LRRC49: variants seen among roughly 807,000 people sequenced by gnomAD.
The protein encoded by LRRC49 is leucine-rich repeat-containing protein 49.
A neutral mutation model predicts 83.3 loss-of-function variants in LRRC49; 50 were observed. The observed-to-expected ratio is 0.60, with a 90% CI of 0.48 to 0.76. LRRC49 has a LOEUF of 0.76. Among genes scored for constraint, LRRC49 ranks in the 30% least tolerant of loss-of-function variants. LRRC49 has a pLI of 0.00. For missense variants in LRRC49, 704 were observed against 809.1 expected (o/e 0.87, Z 1.58); for synonymous variants, 286 against 283.3 (o/e 1.01, Z -0.10).
At chr15:70,867,271 T>C (rs916456713) in intron 1 of LRRC49, among the ~76,000 whole-genome samples, 1 of 152,254 alleles carries the variant, frequency 6.6e-6, no homozygotes, top group East Asian at 1.9e-4. Context: ...AAAGAAAGAC[T>C]GAAAGACAAG....
chr15:70,898,400 G>A (rs552239772), intron 3 of LRRC49: 2 of 701,740 alleles, frequency 2.9e-6, no homozygotes, highest in East Asian at 2.7e-5. Flanking sequence ...GTAAAATGAG[G>A]TCCATCACCC....
intron 1 of LRRC49, among the ~76,000 whole-genome samples, chr15:70,870,953 T>TGG (rs879548345): frequency 6.7e-6 from 1 of 150,330 alleles, no homozygotes; most frequent in Non-Finnish European, 1.5e-5. Flanking sequence ...TAGTTTTTTT[T>TGG]TTTTTTTTTT....
chr15:70,961,016 T>C (rs886574359), intron 8 of LRRC49, among the ~76,000 whole-genome samples: 3 of 152,040 alleles, frequency 2.0e-5, no homozygotes, highest in African/African-American at 7.2e-5. Context: ...GAGATAAATA[T>C]TTGCAAAATA....
chr15:70,966,265 A>G (rs2036790010), intron 9 of LRRC49, among the ~76,000 whole-genome samples: 1 of 152,112 alleles, frequency 6.6e-6, no homozygotes, highest in African/African-American at 2.4e-5. Context: ...AACTGCGTGC[A>G]GAGGATGCTG....
intron 1 of LRRC49, among the ~76,000 whole-genome samples, chr15:70,865,463 C>T (rs578089231): frequency 6.6e-6 from 1 of 152,256 alleles, no homozygotes; most frequent in Non-Finnish European, 1.5e-5. Context: ...ATATTCATTT[C>T]CCCAAAATGT....
upstream of LRRC49, chr15:70,892,295 G>A (rs1223629991): frequency 9.0e-6 from 14 of 1,551,974 alleles, no homozygotes; most frequent in Non-Finnish European, 1.1e-5. Flanking sequence ...CGGTGCGCGG[G>A]AGCCGGGTTC....
chr15:70,953,132 C>T (rs950828531), intron 8 of LRRC49, among the ~76,000 whole-genome samples: 23 of 152,142 alleles, frequency 1.5e-4, no homozygotes, highest in African/African-American at 5.3e-4. Context: ...CATTTAAATT[C>T]AGGGTCGGTA....
At chr15:70,948,564 G>A (rs186998716) in intron 8 of LRRC49, among the ~76,000 whole-genome samples, 139 of 135,444 alleles carry the variant, frequency 1.0e-3, no homozygotes, top group Admixed American at 2.1e-3. Flanking sequence ...TATTTATTTT[G>A]ATGTTCATAT....
chr15:70,976,672 T>C (rs1596088422), intron 9 of LRRC49, among the ~76,000 whole-genome samples: 2 of 152,212 alleles, frequency 1.3e-5, no homozygotes, highest in Admixed American at 1.3e-4. Flanking sequence ...AAGTAGTTTT[T>C]TGTCCCAGAT....
upstream of LRRC49, chr15:70,891,843 C>G (rs763915679): frequency 6.3e-7 from 1 of 1,582,922 alleles, no homozygotes; most frequent in African/African-American, 1.3e-5. Flanking sequence ...TCTCTCTTTA[C>G]CTGTGAAGCT....
intron 2 of LRRC49, among the ~76,000 whole-genome samples, chr15:70,881,154 A>G (rs2033255551): frequency 6.6e-6 from 1 of 152,216 alleles, no homozygotes; most frequent in African/African-American, 2.4e-5. Context: ...GTCTGAGCCC[A>G]GGAGTTTGAG....
intron 15 of LRRC49, among the ~76,000 whole-genome samples, chr15:71,038,139 A>G (rs540365763): frequency 6.6e-6 from 1 of 152,310 alleles, no homozygotes; most frequent in African/African-American, 2.4e-5. Context: ...TGATACATCT[A>G]TATCCAGATA....
At chr15:70,933,311 C>T (rs762674377) in intron 7 of LRRC49, among the ~76,000 whole-genome samples, 11 of 151,820 alleles carry the variant, frequency 7.2e-5, no homozygotes, top group African/African-American at 1.2e-4. Flanking sequence ...AAATTAATAA[C>T]GAGCTATAAA....
rs2039969496 is a variant in LRRC49, at chr15:71,049,932, T to C, written c.*320T>C. 4.8e-6 allele frequency: 1 copy of C among 208,750 alleles called. No homozygotes were observed. Among genetic ancestry groups the C allele is most frequent in the African/African-American group, 2.3e-5 (1 of 43,562 alleles). 12.9% of individuals were successfully genotyped at this position (208,750 alleles called of 1,614,324 possible). Reference sequence around the variant, plus strand: ...ATAGCCCAAAGCACGTAGTATTTGCTGATGATTCAGCATGAGCTGCATCTA... The same window carrying C: ...ATAGCCCAAAGCACGTAGTATTTGCCGATGATTCAGCATGAGCTGCATCTA... On this transcript the variant is annotated 3_prime_UTR_variant, in exon 16 of 16. Transcript: ENST00000260382.
intron 1 of LRRC49, among the ~76,000 whole-genome samples, chr15:70,871,546 C>T (rs1361985897): frequency 6.6e-6 from 1 of 151,910 alleles, no homozygotes; most frequent in East Asian, 2.0e-4. Flanking sequence ...AGGCGCCCCC[C>T]ACCTCCCGAA....
intron 8 of LRRC49, among the ~76,000 whole-genome samples, chr15:70,959,941 A>G (rs2036548591): frequency 6.6e-6 from 1 of 152,206 alleles, no homozygotes; most frequent in East Asian, 1.9e-4. Flanking sequence ...CAAAGAATGG[A>G]AGAATAACAG....
chr15:70,933,262 TTA>T (rs752556960), intron 7 of LRRC49, among the ~76,000 whole-genome samples: 12 of 152,172 alleles, frequency 7.9e-5, no homozygotes, highest in Non-Finnish European at 1.5e-4. Flanking sequence ...ATTTTCAGTA[TTA>T]TGTTTTATTA....
intron 11 of LRRC49, among the ~76,000 whole-genome samples, chr15:71,005,984 C>G (rs2038443985): frequency 6.6e-6 from 1 of 152,062 alleles, no homozygotes; most frequent in African/African-American, 2.4e-5. Context: ...AGGCTAAACT[C>G]AAAAGCTTCC....
chr15:70,921,234 G>C (rs2034993218), intron 7 of LRRC49, among the ~76,000 whole-genome samples: 1 of 152,190 alleles, frequency 6.6e-6, no homozygotes, highest in South Asian at 2.1e-4. Context: ...TTTACTTTCA[G>C]GGGTAGAAAG....
Sources: allele counts gnomAD v4.1 joint callset (sites outside exome capture counted in the v4.1 genomes callset), GRCh38; gene constraint gnomAD v4.1.1; transcripts MANE v1.5; gene names NCBI Gene and HGNC (gene_info 2026-07-23, HGNC 2026-07-21).